Variants in RAB5B observed in about 807,000 individuals in gnomAD.
RAB5B encodes the protein ras-related protein Rab-5B.
A neutral mutation model predicts 28.6 loss-of-function variants in RAB5B; 11 were observed. That is an observed-to-expected ratio of 0.38 (90% CI 0.24 to 0.64). The LOEUF (loss-of-function observed/expected upper bound fraction) is 0.64. Ranked by LOEUF, RAB5B falls within the 30% of genes least tolerant of loss-of-function variation. The pLI is 0.53. For missense variants in RAB5B, 169 were observed against 265.6 expected, an observed-to-expected ratio of 0.64 and a Z score of 2.53; for synonymous variants, 93 against 97.9, an observed-to-expected ratio of 0.95 and a Z score of 0.29.
chr12:55,980,504 C>T, intron 1 of RAB5B: 1 of 1,588,104 alleles, frequency 6.3e-7, no homozygotes, highest in South Asian at 1.1e-5. Context: ...GTTTCCTGAT[C>T]TCCGGCCTCC....
intron 2 of RAB5B, 116 bp from the exon 3 acceptor site, chr12:55,989,831 C>A: frequency 8.0e-7 from 1 of 1,248,454 alleles, no homozygotes; most frequent in Non-Finnish European, 1.2e-6. Context: ...CTGTAGCTGA[C>A]TATCCTGGGT....
At chr12:55,990,645 T>G (rs1592807097) in intron 3 of RAB5B, 37 bp from the exon 4 acceptor site, 1 of 1,610,774 alleles carries the variant, frequency 6.2e-7, no homozygotes, top group East Asian at 2.2e-5. Flanking sequence ...GGATTGGCAG[T>G]CATTCCAGCC....
chr12:55,995,499 G>A lies in RAB5B; in HGVS notation c.*3287G>A, dbSNP rs953329234. 1 of 152,210 alleles carries A rather than the reference G, an allele frequency of 6.6e-6. No homozygotes were observed. The highest frequency in any genetic ancestry group is 1.5e-5 in the Non-Finnish European group (1 of 68,048). The allele number at this position is 152,210 out of a possible 1,614,324, so 9.4% of individuals were successfully genotyped here. On this transcript the variant is annotated 3_prime_UTR_variant, in exon 6 of 6. Transcript: ENST00000360299. The stretch of plus-strand genomic sequence containing the variant: ...TTTCTTGTAGCTTCCACCTCAACGG[G>A]AAAATTTCCTCTGGATCTGCTCTTG...
chr12:55,988,902 T>C (rs1046427127), intron 2 of RAB5B, among the ~76,000 whole-genome samples: 10 of 151,780 alleles, frequency 6.6e-5, no homozygotes, highest in Admixed American at 4.6e-4. Context: ...ATGATGGGAC[T>C]TGCCATCAAG....
At chr12:55,985,678 T>C in intron 1 of RAB5B, 1 of 455,890 alleles carries the variant, frequency 2.2e-6, no homozygotes, top group Non-Finnish European at 4.4e-6. Flanking sequence ...CTTGCAGACT[T>C]AACGCCCTAT....
chr12:55,990,404 C>T (rs1238580692), intron 3 of RAB5B, among the ~76,000 whole-genome samples: 1 of 150,772 alleles, frequency 6.6e-6, no homozygotes, highest in Admixed American at 6.6e-5. Context: ...CAAAACTCCG[C>T]CTCAAAAAAA....
rs1349314836 is a variant in RAB5B at position 55,992,433 on chromosome 12, G to A, written c.*221G>A. 1.8e-5 allele frequency: 12 copies of A among 680,400 alleles called. No individual in the cohort carries two copies. Among genetic ancestry groups the A allele is most frequent in the Non-Finnish European group, 2.4e-5 (9 of 372,690 alleles). 42.1% of individuals were successfully genotyped at this position (680,400 alleles called of 1,614,324 possible). On this transcript the variant is annotated 3_prime_UTR_variant, in exon 6 of 6. Transcript: ENST00000360299. ...TCCTACCCCCTACTCTGGGGCTTGG[G>A]GGTCAACTCCCCCCAGGACTTACCT...
intron 1 of RAB5B, among the ~76,000 whole-genome samples, chr12:55,983,935 C>T (rs112763352): frequency 6.6e-6 from 1 of 152,162 alleles, no homozygotes; most frequent in Non-Finnish European, 1.5e-5. Context: ...CCTGGGATTA[C>T]AGGCATGGGC....
At chr12:55,985,850 C>T (rs1315310465) in intron 1 of RAB5B, 2 of 344,920 alleles carry the variant, frequency 5.8e-6, no homozygotes, top group East Asian at 1.8e-4. Context: ...CTTACTGATT[C>T]TTGATAGACT....
intron 1 of RAB5B, chr12:55,980,374 T>C: frequency 7.0e-7 from 1 of 1,432,348 alleles, no homozygotes; most frequent in South Asian, 1.1e-5. Context: ...CCTCTGCTGT[T>C]GTCTCCCTCA....
At chr12:55,981,166 C>T in intron 1 of RAB5B, 2 of 732,986 alleles carry the variant, frequency 2.7e-6, no homozygotes, top group Non-Finnish European at 4.5e-6. Context: ...CAGGTTCAAG[C>T]AATTCTCGTG....
chr12:55,995,270 T>C lies in RAB5B; in HGVS notation c.*3058T>C, dbSNP rs144937485. On this transcript the variant is annotated 3_prime_UTR_variant, in exon 6 of 6. Transcript: ENST00000360299. ...CACACCCAGCTAATTTTTGTATTTTTAGTAGAGACGGGGTTTCACCATGTT... is the reference window on the plus strand; with the variant it reads ...CACACCCAGCTAATTTTTGTATTTTCAGTAGAGACGGGGTTTCACCATGTT... 0.012 allele frequency: 1,881 copies of C among 152,292 alleles called. 23 individuals carry two copies. The highest frequency in any genetic ancestry group is 0.027 in the Middle Eastern group (8 of 294). 9.4% of individuals were successfully genotyped at this position (152,292 alleles called of 1,614,324 possible). A position where few individuals can be genotyped will look rare whatever the true frequency, so the allele number is the denominator to read the frequency against.
chr12:55,980,324 G>A (rs1295121139), intron 1 of RAB5B: 2 of 892,642 alleles, frequency 2.2e-6, no homozygotes. Flanking sequence ...CTACCTATGT[G>A]TCCCTCCAAG....
In RAB5B at chr12:55,991,243, A is replaced by G. The variant is rs1038581102; in HGVS notation, c.439-117A>G. ...TCTAGGCTAGCTGGCTCAAAGGGGTATTAATTAAGGGGAGGGAACCTAGGA... is the reference window on the plus strand; with the variant it reads ...TCTAGGCTAGCTGGCTCAAAGGGGTGTTAATTAAGGGGAGGGAACCTAGGA... On this transcript the variant is annotated intron_variant, in intron 4 of 5. Transcript: ENST00000360299. 9.9e-6 allele frequency: 7 copies of G among 706,006 alleles called. No individual in the cohort carries two copies. In the African/African-American group the frequency reaches 1.2e-4, roughly 12 times the overall value. 43.7% of individuals were successfully genotyped at this position (706,006 alleles called of 1,614,324 possible).
intron 1 of RAB5B, among the ~76,000 whole-genome samples, chr12:55,977,081 T>C (rs976078707): frequency 1.3e-5 from 2 of 152,054 alleles, no homozygotes. Context: ...TTCACGCGAT[T>C]CTCCTGCCTC....
intron 5 of RAB5B, 83 bp from the exon 6 acceptor site, chr12:55,992,012 TCA>T: frequency 2.1e-6 from 2 of 945,508 alleles, no homozygotes; most frequent in Non-Finnish European, 3.3e-6. Flanking sequence ...TTTCCCCAAT[TCA>T]GTAGCCGTTT....
In RAB5B at chr12:55,979,925, C is replaced by T. The variant is rs528189962; in HGVS notation, c.-93+5786C>T. ...CTTAGCAGTTGGCTGTATGGTAACA[C>T]TTGACAAGTTGACTAATTTTATTTT... On this transcript the variant is annotated intron_variant, in intron 1 of 5. Coordinates refer to ENST00000360299, the MANE Select transcript of RAB5B (RefSeq NM_002868.4). 2.6e-5 allele frequency among the ~76,000 whole-genome samples: 4 copies of T among 152,272 alleles called. No individual in the cohort carries two copies. In the East Asian group the frequency reaches 7.7e-4, roughly 29 times the overall value.
At chr12:55,980,340 C>G in intron 1 of RAB5B, 1 of 1,101,924 alleles carries the variant, frequency 9.1e-7, no homozygotes, top group Non-Finnish European at 1.4e-6. Context: ...CCAAGCCCCT[C>G]TGCTATTTCT....
chr12:55,977,546 G>A (rs551752266), intron 1 of RAB5B, among the ~76,000 whole-genome samples: 2 of 152,154 alleles, frequency 1.3e-5, no homozygotes, highest in African/African-American at 2.4e-5. Context: ...TTGCTTATTG[G>A]TATGAATTTT....
Sources: gnomAD v4.1 joint callset for allele counts (sites outside exome capture counted in the v4.1 genomes callset) on GRCh38, gnomAD v4.1.1 for gene constraint, MANE v1.5 for transcripts, NCBI Gene and HGNC (gene_info 2026-07-23, HGNC 2026-07-21) for gene names.